MAP4K1: variants seen among roughly 807,000 people sequenced by gnomAD.
The protein encoded by MAP4K1 is MAPK/ERK kinase kinase kinase 1.
Under a neutral mutation model 122.8 loss-of-function variants are expected in MAP4K1, and 35 were observed. The observed-to-expected ratio is 0.29, with a 90% CI of 0.22 to 0.38. The LOEUF is 0.38. Ranked by LOEUF, MAP4K1 falls within the 10% of genes least tolerant of loss-of-function variation. The pLI, the probability that MAP4K1 is intolerant of heterozygous loss-of-function variation, is 1.00. For missense variants in MAP4K1, 791 were observed against 1,072.6 expected, an observed-to-expected ratio of 0.74 and a Z score of 3.67; for synonymous variants, 412 against 421.3, an observed-to-expected ratio of 0.98 and a Z score of 0.27.
At chr19:38,598,454 G>A (rs372441607) in intron 22 of MAP4K1, among the ~76,000 whole-genome samples, 156 of 152,078 alleles carry the variant, frequency 1.0e-3, no homozygotes, top group Non-Finnish European at 1.8e-3. Context: ...TCAGCCTCCC[G>A]AGTAGCTGGA....
intron 8 of MAP4K1, among the ~76,000 whole-genome samples, chr19:38,613,060 C>T (rs1198539967): frequency 6.6e-6 from 1 of 151,934 alleles, no homozygotes; most frequent in East Asian, 1.9e-4. Context: ...GTAATTCCAG[C>T]ACTTTGGGAG....
At chr19:38,596,223 A>G (rs1021807625) in intron 26 of MAP4K1, 89 bp downstream of exon 26, 33 of 1,457,024 alleles carry the variant, frequency 2.3e-5, no homozygotes, top group Non-Finnish European at 2.7e-5. Context: ...TCAGTCCCGT[A>G]GTGCCTCAGG....
intron 18 of MAP4K1, 27 bp downstream of exon 18, chr19:38,605,541 G>T (rs372816620): frequency 5.5e-6 from 5 of 909,502 alleles, no homozygotes; most frequent in Admixed American, 2.5e-5. Flanking sequence ...CAACCCTCCC[G>T]CCCTCCACCC....
chr19:38,604,789 C>CA (rs112047872), intron 19 of MAP4K1, among the ~76,000 whole-genome samples: 87 of 109,784 alleles, frequency 7.9e-4, no homozygotes, highest in Middle Eastern at 6.9e-3. Context: ...GACTCTGTCT[C>CA]AAAAAAAAAA....
At chr19:38,590,396 T>TAC (rs1568618935) in intron 30 of MAP4K1, among the ~76,000 whole-genome samples, 45 of 26,346 alleles carry the variant, frequency 1.7e-3, no homozygotes, top group Non-Finnish European at 2.5e-3. Flanking sequence ...AAAAAAAAAA[T>TAC]ATATATATAT....
At chr19:38,588,458 A>G (rs983657844) in intron 30 of MAP4K1, among the ~76,000 whole-genome samples, 3 of 152,058 alleles carry the variant, frequency 2.0e-5, no homozygotes, top group Admixed American at 2.0e-4. Flanking sequence ...TGGGAGGCCA[A>G]GGGGGGCAGA....
At chr19:38,601,727 GT>G in intron 19 of MAP4K1, 1 of 538,220 alleles carries the variant, frequency 1.9e-6, no homozygotes, top group East Asian at 3.5e-5. Context: ...GTTTTTTTTT[GT>G]TGTTGTTATA....
In MAP4K1 at chr19:38,614,462, G is replaced by A. The variant is rs201685597; in HGVS notation, c.314-17C>T. On this transcript the variant is annotated splice_polypyrimidine_tract_variant and intron_variant, in intron 4 of 30. Transcript: ENST00000396857. ...AGCCTGTCACTGCAAAGGTCACCCC[G>A]GCCAGGCCAGGCATTGGATGGGAGC... is the stretch of plus-strand genomic sequence containing the variant. 1.1e-5 allele frequency: 18 copies of A among 1,613,722 alleles called. No homozygotes were observed. Among genetic ancestry groups the A allele is most frequent in the South Asian group, 2.2e-5 (2 of 91,080 alleles).
At chr19:38,602,769 CAT>C (rs1975133462) in intron 19 of MAP4K1, among the ~76,000 whole-genome samples, 2 of 146,184 alleles carry the variant, frequency 1.4e-5, no homozygotes, top group Non-Finnish European at 1.5e-5. Flanking sequence ...TACGCATATA[CAT>C]ATATACACAT....
intron 22 of MAP4K1, among the ~76,000 whole-genome samples, chr19:38,599,430 G>A (rs1487955275): frequency 6.6e-6 from 1 of 151,406 alleles, no homozygotes; most frequent in Non-Finnish European, 1.5e-5. Context: ...GGGAGGCCAA[G>A]GCAGTTGGAT....
chr19:38,600,391 C>T (rs1248825460), intron 20 of MAP4K1, among the ~76,000 whole-genome samples: 1 of 152,100 alleles, frequency 6.6e-6, no homozygotes, highest in Non-Finnish European at 1.5e-5. Flanking sequence ...TCTTCTCTGC[C>T]CAACTGTCTT....
intron 25 of MAP4K1, 122 bp downstream of exon 25, chr19:38,596,912 G>C (rs1171583954): frequency 3.3e-6 from 3 of 910,712 alleles, no homozygotes; most frequent in Non-Finnish European, 5.1e-6. Context: ...CGGGGCCTCG[G>C]GAGATTGGGG....
rs777464356 is a variant in MAP4K1 at position 38,599,954 on chromosome 19, G to A, written c.1640C>T (p.Ser547Phe). Residue 547 changes from serine to phenylalanine, a missense_variant, in exon 22 of 31, where the codon TCC (serine) becomes TTC (phenylalanine). This residue lies in a region of MAP4K1 where 58 missense variants were observed against 118.7 expected (regional missense o/e 0.49). Coordinates refer to ENST00000396857, the MANE Select transcript of MAP4K1 (RefSeq NM_001042600.3). ...GAGAGACATGAGAACGTTGTTGATG[G>A]AGTACACCCACGTAGTCCGGCTAGG... The part of the protein sequence containing the change: ...LFPSRTTWVY[S>F]INNVLMSLSG... 1.2e-6 allele frequency: 2 copies of A among 1,614,026 alleles called. No individual in the cohort carries two copies. Among genetic ancestry groups the A allele is most frequent in the Non-Finnish European group, 1.7e-6 (2 of 1,180,038 alleles).
intron 17 of MAP4K1, 52 bp downstream of exon 17, chr19:38,606,121 G>A: frequency 1.4e-6 from 2 of 1,437,216 alleles, no homozygotes; most frequent in Non-Finnish European, 1.9e-6. Flanking sequence ...TGGCCTCCTG[G>A]CCCCCAGTGG....
At position 38,605,469 on chromosome 19, in the gene MAP4K1, G is replaced by C; in HGVS notation, c.1386C>G (p.Pro462=). 6.3e-7 allele frequency: 1 copy of C among 1,597,256 alleles called. No homozygotes were observed. The highest frequency in any genetic ancestry group is 8.5e-7 in the Non-Finnish European group (1 of 1,173,358). Residue 462 remains proline (P), a synonymous_variant, in exon 19 of 31, where the codon CCC becomes CCG. Coordinates refer to ENST00000396857, the MANE Select transcript of MAP4K1 (RefSeq NM_001042600.3). ...AHSEPSLWNP[P]SRELDKPPLL... is the part of the protein sequence containing the mutation. ...GTGGGGGCTTGTCAAGCTCCCGGGA[G>C]GGTGGGTTCCAGAGTGAGGGTTCTG...
intron 3 of MAP4K1, among the ~76,000 whole-genome samples, chr19:38,616,587 G>A (rs1975653803): frequency 6.6e-6 from 1 of 152,148 alleles, no homozygotes; most frequent in Non-Finnish European, 1.5e-5. Flanking sequence ...GGGACAGAGG[G>A]GCCCAGGGCA....
Position 38,608,102 on chromosome 19 carries a change from A to G in MAP4K1, c.1065+10T>C, listed in dbSNP as rs890615071. 2.6e-6 allele frequency: 4 copies of G among 1,545,406 alleles called. No individual in the cohort carries two copies. The highest frequency in any genetic ancestry group is 2.6e-6 in the Non-Finnish European group (3 of 1,147,040). On this transcript the variant is annotated intron_variant, in intron 14 of 30. Coordinates refer to ENST00000396857, the MANE Select transcript of MAP4K1 (RefSeq NM_001042600.3). ...GCGGTGTGGTGGGGAGTGGGGGGAC[A>G]GCATCTCACGGTGTTGGCTGGGGGT...
intron 19 of MAP4K1, among the ~76,000 whole-genome samples, chr19:38,604,239 T>C (rs1284950054): frequency 6.6e-6 from 1 of 151,698 alleles, no homozygotes; most frequent in African/African-American, 2.4e-5. Context: ...TGACTACGTG[T>C]GTAGGCATTA....
intron 5 of MAP4K1, 32 bp downstream of exon 5, chr19:38,614,358 C>G (rs1178546776): frequency 1.2e-6 from 2 of 1,613,520 alleles, no homozygotes; most frequent in East Asian, 4.5e-5. Flanking sequence ...ACCCTCCCCT[C>G]CCATCCCCAG....
Sources: allele counts gnomAD v4.1 joint callset (sites outside exome capture counted in the v4.1 genomes callset), GRCh38; gene constraint gnomAD v4.1.1; regional missense constraint gnomAD v4.1.1; transcripts MANE v1.5; gene names NCBI Gene and HGNC (gene_info 2026-07-23, HGNC 2026-07-21).